The following KCNQ5 variants were observed in gnomAD, a reference collection of about 807,000 sequenced individuals.
The protein encoded by KCNQ5 is potassium voltage-gated channel subfamily Q member 5, also known as potassium voltage-gated channel subfamily KQT member 5.
In KCNQ5, 30 loss-of-function variants were observed where a neutral mutation model predicts 98.2. The ratio of observed to expected loss-of-function variants is 0.31; its 90% confidence interval spans 0.23 to 0.41. The LOEUF (loss-of-function observed/expected upper bound fraction) is 0.41, where lower values mean the gene tolerates loss of function less well. KCNQ5 is among the 10% of genes least tolerant of loss of function. The probability of loss-of-function intolerance (pLI) is 1.00; values close to 1 mark genes in which losing one functional copy is unlikely to be tolerated. For missense variants in KCNQ5, 835 were observed against 1,182.5 expected (o/e 0.71, Z 4.31); for synonymous variants, 458 against 449.4 (o/e 1.02, Z -0.24).
chr6:72,695,142 C>G (rs947575151), intron 1 of KCNQ5, among the ~76,000 whole-genome samples: 1 of 152,064 alleles, frequency 6.6e-6, no homozygotes, highest in Non-Finnish European at 1.5e-5. Context: ...AATTCTATGT[C>G]TTTGCTATTA....
At chr6:72,681,616 A>G (rs1233203327) in intron 1 of KCNQ5, among the ~76,000 whole-genome samples, 1 of 152,178 alleles carries the variant, frequency 6.6e-6, no homozygotes, top group Non-Finnish European at 1.5e-5. Context: ...ATGTGGCCCA[A>G]AAGATGCAGC....
intron 1 of KCNQ5, among the ~76,000 whole-genome samples, chr6:72,849,635 C>T (rs1193607109): frequency 6.6e-6 from 1 of 152,068 alleles, no homozygotes; most frequent in African/African-American, 2.4e-5. Flanking sequence ...GAAAAGGGGG[C>T]AAGCAGACAG....
chr6:72,678,170 ACTCT>A (rs1362839449), intron 1 of KCNQ5, among the ~76,000 whole-genome samples: 2 of 152,132 alleles, frequency 1.3e-5, no homozygotes, highest in Non-Finnish European at 2.9e-5. Flanking sequence ...AAATCTATTG[ACTCT>A]CTCAGAAGTA....
intron 1 of KCNQ5, chr6:72,640,720 G>C (rs1240549556): frequency 6.6e-6 from 1 of 152,148 alleles, no homozygotes; most frequent in African/African-American, 2.4e-5. Context: ...CAACTCTAGT[G>C]CTATCTTTTT....
intron 1 of KCNQ5, among the ~76,000 whole-genome samples, chr6:72,627,095 G>A (rs763251199): frequency 1.3e-5 from 2 of 152,140 alleles, no homozygotes; most frequent in Non-Finnish European, 2.9e-5. Context: ...TTCCAACCAC[G>A]TTAGATCAGC....
chr6:72,809,982 T>G (rs911494715), intron 1 of KCNQ5, among the ~76,000 whole-genome samples: 3 of 152,200 alleles, frequency 2.0e-5, no homozygotes, highest in Non-Finnish European at 4.4e-5. Flanking sequence ...CTGTTGTGAC[T>G]TTTAATGGGC....
chr6:72,933,841 C>T (rs1025775924), intron 1 of KCNQ5, among the ~76,000 whole-genome samples: 3 of 152,140 alleles, frequency 2.0e-5, no homozygotes, highest in African/African-American at 7.2e-5. Context: ...TTTATCATTA[C>T]TATGAGCCGA....
At chr6:72,856,445 T>TACAC (rs759343724) in intron 1 of KCNQ5, among the ~76,000 whole-genome samples, 38 of 129,830 alleles carry the variant, frequency 2.9e-4, no homozygotes, top group East Asian at 1.3e-3. Flanking sequence ...TATGTATACA[T>TACAC]ACACACACAC....
chr6:72,768,248 A>G (rs1454335267), intron 1 of KCNQ5, among the ~76,000 whole-genome samples: 1 of 151,888 alleles, frequency 6.6e-6, no homozygotes, highest in African/African-American at 2.4e-5. Flanking sequence ...GGCTGAATAC[A>G]AGGAGACCAG....
chr6:72,892,292 C>G (rs186479005), intron 1 of KCNQ5, among the ~76,000 whole-genome samples: 18 of 152,306 alleles, frequency 1.2e-4, no homozygotes, highest in Admixed American at 3.3e-4. Flanking sequence ...TTCTTAGGCT[C>G]TTACTGCTCT....
chr6:72,839,712 A>G (rs1218826727), intron 1 of KCNQ5, among the ~76,000 whole-genome samples: 2 of 152,232 alleles, frequency 1.3e-5, no homozygotes, highest in Non-Finnish European at 2.9e-5. Context: ...ATGGGGTACA[A>G]CATGATGTTT....
At position 73,040,789 on chromosome 6, in the gene KCNQ5, T is replaced by G. The variant is rs528189045; in HGVS notation, c.490-1147T>G. 2.0e-5 allele frequency among the ~76,000 whole-genome samples: 3 copies of G among 152,356 alleles called. No homozygotes were observed. In the South Asian group the frequency reaches 6.2e-4, roughly 32 times the overall value. On this transcript the variant is annotated intron_variant, in intron 2 of 13. Transcript: ENST00000370398. Reference sequence around the variant, plus strand: ...AAGTGCAGCATATCATCACATGCTCTAATTAAAGAAACAGACATTTGCCTG... The same window carrying G: ...AAGTGCAGCATATCATCACATGCTCGAATTAAAGAAACAGACATTTGCCTG...
rs566175827 is a variant in KCNQ5, at chr6:73,196,355, G to C, written c.*941G>C. 461 of 152,316 alleles carry C rather than the reference G, an allele frequency of 3.0e-3. 3 individuals carry two copies. Among genetic ancestry groups the C allele is most frequent in the African/African-American group, 0.011 (440 of 41,542 alleles). 9.4% of individuals were successfully genotyped at this position (152,316 alleles called of 1,614,324 possible). On this transcript the variant is annotated 3_prime_UTR_variant, in exon 14 of 14. Transcript: ENST00000370398. ...TATGGGGGATGGGACATTTGAGTGG[G>C]ACTGAGATAGGAAAGGCTTGAAAAG... is the stretch of plus-strand genomic sequence containing the variant.
Position 73,198,634 on chromosome 6 carries a change from G to A in KCNQ5, c.*3220G>A, listed in dbSNP as rs1292302630. The A allele has an allele frequency of 6.6e-6, 1 of 152,170 alleles. No homozygotes were observed. The highest frequency in any genetic ancestry group is 1.9e-4 in the East Asian group (1 of 5,204). 9.4% of individuals were successfully genotyped at this position (152,170 alleles called of 1,614,324 possible). The stretch of plus-strand genomic sequence containing the variant: ...TGAGATTTTTCGCCTTAAATGACAT[G>A]GTTGTGTTTTTGTAAGAGAAACTTA... On this transcript the variant is annotated 3_prime_UTR_variant, in exon 14 of 14. Transcript: ENST00000370398.
At chr6:73,124,980 T>TATATATATAC (rs1204206268) in intron 9 of KCNQ5, among the ~76,000 whole-genome samples, 1 of 22,838 alleles carries the variant, frequency 4.4e-5, no homozygotes, top group Non-Finnish European at 7.3e-5. Context: ...TATATATATA[T>TATATATATAC]ACACACACAC....
intron 1 of KCNQ5, among the ~76,000 whole-genome samples, chr6:72,865,124 T>C (rs2150156411): frequency 6.6e-6 from 1 of 152,312 alleles, no homozygotes; most frequent in Non-Finnish European, 1.5e-5. Context: ...AATGAGGAAC[T>C]TGAAGTCTAA....
chr6:73,051,618 C>A (rs1479177377), intron 3 of KCNQ5, among the ~76,000 whole-genome samples: 1 of 150,794 alleles, frequency 6.6e-6, no homozygotes, highest in African/African-American at 2.4e-5. Context: ...GAGCCTTACC[C>A]CCTAAATTCT....
chr6:73,117,526 C>T (rs774515182), intron 7 of KCNQ5, among the ~76,000 whole-genome samples: 7 of 152,128 alleles, frequency 4.6e-5, no homozygotes, highest in Non-Finnish European at 1.0e-4. Flanking sequence ...CTCTTTTGCC[C>T]CCAGTTCTTT....
At chr6:72,864,557 A>C (rs754150351) in intron 1 of KCNQ5, among the ~76,000 whole-genome samples, 1 of 152,206 alleles carries the variant, frequency 6.6e-6, no homozygotes, top group African/African-American at 2.4e-5. Flanking sequence ...TTTTTATTAA[A>C]TATTAAAATG....
Sources: allele counts gnomAD v4.1 joint callset (sites outside exome capture counted in the v4.1 genomes callset), GRCh38; gene constraint gnomAD v4.1.1; transcripts MANE v1.5; gene names NCBI Gene and HGNC (gene_info 2026-07-23, HGNC 2026-07-21).